The following DMD variants were observed in gnomAD, a reference collection of about 807,000 sequenced individuals.
DMD encodes the protein mutant dystrophin.
Under a neutral mutation model 330.1 loss-of-function variants are expected in DMD, and 63 were observed. The observed-to-expected ratio is 0.19, with a 90% confidence interval of 0.16 to 0.24. The LOEUF is 0.24. Among genes scored for constraint, DMD ranks in the 10% least tolerant of loss-of-function variants. DMD has a pLI of 1.00. For synonymous variants in DMD, 1,223 were observed against 959.8 expected (o/e 1.27, Z -5.07); for missense variants, 3,344 against 2,684.1 (o/e 1.25, Z -5.43).
At chrX:32,775,791 A>T (rs2074080641) in intron 7 of DMD, among the ~76,000 whole-genome samples, 1 of 112,822 alleles carries the variant, frequency 8.9e-6, no homozygotes, top group Non-Finnish European at 1.9e-5. Flanking sequence ...TTGGCTACTA[A>T]CATTCTGCTT....
intron 52 of DMD, among the ~76,000 whole-genome samples, chrX:31,713,076 G>A: frequency 9.0e-6 from 1 of 111,078 alleles, no homozygotes; most frequent in Non-Finnish European, 1.9e-5. Flanking sequence ...CCCTAACAAG[G>A]GTTAATGGGA....
intron 2 of DMD, among the ~76,000 whole-genome samples, chrX:32,949,246 TTACA>T (rs1314007880): frequency 3.2e-4 from 23 of 72,345 alleles, no homozygotes; most frequent in African/African-American, 9.7e-4. Flanking sequence ...AATTAAATCG[TTACA>T]TACACACACA....
intron 2 of DMD, among the ~76,000 whole-genome samples, chrX:32,857,938 G>A (rs1055332735): frequency 5.4e-5 from 6 of 110,801 alleles, no homozygotes; most frequent in East Asian, 5.7e-4. Context: ...AATGGAGAGG[G>A]AGTAAAGGAT....
chrX:32,849,607 G>T, intron 3 of DMD, 121 bp downstream of exon 3: 1 of 534,797 alleles, frequency 1.9e-6, no homozygotes, highest in Non-Finnish European at 3.2e-6. Flanking sequence ...CTAAGGAATA[G>T]GTATTGCTGT....
In DMD at chrX:32,508,942, C is replaced by A. The variant is rs190743290; in HGVS notation, c.2293-7100G>T. ...TCTCCTTCCTCAGCCTCCTGAGTAGCTGGGACTACAGGCGCCCGCAACCAT... is the reference window on the plus strand; with the variant it reads ...TCTCCTTCCTCAGCCTCCTGAGTAGATGGGACTACAGGCGCCCGCAACCAT... On this transcript the variant is annotated intron_variant, in intron 18 of 78. Coordinates refer to ENST00000357033, the MANE Select transcript of DMD (RefSeq NM_004006.3). Among the ~76,000 whole-genome samples the A allele has an allele frequency of 4.7e-3, 517 of 110,178 alleles. 15 individuals are homozygous for A. The highest frequency in any genetic ancestry group is 0.043 in the Admixed American group (442 of 10,373).
chrX:31,883,618 A>C (rs927937181), intron 47 of DMD, among the ~76,000 whole-genome samples: 3 of 111,682 alleles, frequency 2.7e-5, no homozygotes, highest in Non-Finnish European at 5.6e-5. Flanking sequence ...ATGTTCAATT[A>C]TGTCACTCTG....
intron 1 of DMD, among the ~76,000 whole-genome samples, chrX:33,097,616 T>TC: frequency 1.1e-5 from 1 of 90,918 alleles, no homozygotes; most frequent in Non-Finnish European, 2.2e-5. Context: ...TCTTTTTTTT[T>TC]TTTTTTTTTT....
intron 7 of DMD, among the ~76,000 whole-genome samples, chrX:32,708,198 A>C (rs1228586970): frequency 8.9e-6 from 1 of 111,759 alleles, no homozygotes; most frequent in Non-Finnish European, 1.9e-5. Context: ...TTGGGATTTC[A>C]AAATATGCCT....
At chrX:32,987,885 A>AT (rs1569547302) in intron 2 of DMD, among the ~76,000 whole-genome samples, 1 of 110,071 alleles carries the variant, frequency 9.1e-6, no homozygotes, top group African/African-American at 3.3e-5. Flanking sequence ...TATCTAGTAT[A>AT]TATCAGCCAC....
chrX:31,531,118 T>C (rs201222700), intron 55 of DMD, among the ~76,000 whole-genome samples: 1 of 52,682 alleles, frequency 1.9e-5, no homozygotes, highest in East Asian at 6.7e-4. Context: ...CTATTGTGAA[T>C]AGTGCCGCAA....
intron 2 of DMD, among the ~76,000 whole-genome samples, chrX:32,988,811 C>CT (rs1248708655): frequency 1.8e-5 from 2 of 111,279 alleles, no homozygotes; most frequent in African/African-American, 6.5e-5. Context: ...CAAACATTAC[C>CT]TTTTTGTAAT....
chrX:31,275,962 A>T (rs2052078056), intron 62 of DMD, among the ~76,000 whole-genome samples: 1 of 112,658 alleles, frequency 8.9e-6, no homozygotes, highest in African/African-American at 3.2e-5. Flanking sequence ...ACTTATAACA[A>T]TGTATAACTC....
intron 12 of DMD, among the ~76,000 whole-genome samples, chrX:32,597,907 C>T (rs1021979041): frequency 8.9e-6 from 1 of 112,080 alleles, no homozygotes; most frequent in African/African-American, 3.2e-5. Context: ...TTACATAACA[C>T]AAGAGTGGAG....
intron 52 of DMD, among the ~76,000 whole-genome samples, chrX:31,683,412 A>C (rs2082493490): frequency 8.9e-6 from 1 of 112,414 alleles, no homozygotes; most frequent in Admixed American, 9.4e-5. Flanking sequence ...GGAGAAGATA[A>C]TGAGTTCAGT....
chrX:32,794,720 A>C (rs1406132653), intron 7 of DMD, among the ~76,000 whole-genome samples: 2 of 112,363 alleles, frequency 1.8e-5, no homozygotes, highest in Non-Finnish European at 3.8e-5. Flanking sequence ...TAATAGAAGA[A>C]ATCGTTGTCC....
At chrX:32,838,477 A>T (rs183412370) in intron 4 of DMD, among the ~76,000 whole-genome samples, 2 of 110,754 alleles carry the variant, frequency 1.8e-5, no homozygotes, top group Non-Finnish European at 3.8e-5. Context: ...GCTACCACTT[A>T]TGAGTCAGAA....
intron 44 of DMD, among the ~76,000 whole-genome samples, chrX:32,109,609 T>C (rs1264882227): frequency 4.5e-5 from 1 of 22,394 alleles, no homozygotes; most frequent in Non-Finnish European, 6.2e-5. Context: ...ATACAGAAAT[T>C]TGAAAAAAAA....
chrX:31,694,107 C>T lies in DMD; in HGVS notation c.7661-14521G>A, dbSNP rs947909816. ...AGAGGACTAAAATAAACCTACACAC[C>T]TTTGATCAATTGATTTTTGACAAAG... On this transcript the variant is annotated intron_variant, in intron 52 of 78. Coordinates refer to ENST00000357033, the MANE Select transcript of DMD (RefSeq NM_004006.3). 3.6e-5 allele frequency among the ~76,000 whole-genome samples: 4 copies of T among 111,202 alleles called. No individual in the cohort carries two copies. The East Asian group carries it at 1.1e-3, about 31-fold the overall frequency.
At chrX:32,148,408 T>A (rs1184665298) in intron 44 of DMD, among the ~76,000 whole-genome samples, 1 of 111,461 alleles carries the variant, frequency 9.0e-6, no homozygotes, top group Non-Finnish European at 1.9e-5. Context: ...AAAATTAATT[T>A]TAAATTGTTG....
Sources: gnomAD v4.1 joint callset for allele counts (sites outside exome capture counted in the v4.1 genomes callset) on GRCh38, gnomAD v4.1.1 for gene constraint, MANE v1.5 for transcripts, NCBI Gene and HGNC (gene_info 2026-07-23, HGNC 2026-07-21) for gene names.